Variants in MELK observed in about 807,000 individuals in gnomAD.
The protein encoded by MELK is maternal embryonic leucine zipper kinase, also known as pEg3 kinase.
A neutral mutation model predicts 85.0 loss-of-function variants in MELK; 81 were observed. The ratio of observed to expected loss-of-function variants is 0.95; its 90% CI spans 0.80 to 1.15. The LOEUF (loss-of-function observed/expected upper bound fraction) is 1.15. Among genes scored for constraint, MELK ranks in the 50% most tolerant of loss-of-function variants. The probability of loss-of-function intolerance (pLI) is 0.00; values close to 1 mark genes in which losing one functional copy is unlikely to be tolerated. For missense variants in MELK, 754 were observed against 777.5 expected (o/e 0.97, Z 0.36); for synonymous variants, 252 against 265.0 (o/e 0.95, Z 0.48).
Position 36,674,929 on chromosome 9 carries a change from A to G in MELK, c.1770A>G (p.Val590=), listed in dbSNP as rs771324605. Residue 590 remains valine, a synonymous_variant, in exon 17 of 18, where the codon GTA becomes GTG. Coordinates refer to ENST00000298048, the MANE Select transcript of MELK (RefSeq NM_014791.4). ...TTCCAAAGAAGCATGTTGACTTTGT[A>G]CAAAAGGGGTAAGAAGCACATTTAC... ...SILPKKHVDF[V]QKGYTLKCQT... is the part of the protein sequence containing the mutation. 1 of 1,578,438 alleles carries G rather than the reference A, an allele frequency of 6.3e-7. No individual in the cohort carries two copies. Among genetic ancestry groups the G allele is most frequent in the Non-Finnish European group, 8.7e-7 (1 of 1,147,904 alleles).
chr9:36,630,893 A>G (rs1345455346), intron 9 of MELK, among the ~76,000 whole-genome samples: 2 of 146,884 alleles, frequency 1.4e-5, no homozygotes, highest in African/African-American at 2.5e-5. Flanking sequence ...ACCTCAAGGT[A>G]TCTGCCTGCC....
intron 8 of MELK, among the ~76,000 whole-genome samples, chr9:36,615,059 GC>G (rs1198381308): frequency 6.9e-6 from 1 of 144,510 alleles, no homozygotes; most frequent in Non-Finnish European, 1.5e-5. Flanking sequence ...AGCTGGCCGG[GC>G]GGGGGGGCTG....
At chr9:36,630,137 GC>G (rs1243265890) in intron 8 of MELK, 161 bp from the exon 9 acceptor site, 4 of 625,126 alleles carry the variant, frequency 6.4e-6, no homozygotes, top group Non-Finnish European at 8.5e-6. Context: ...GAGCCACCAC[GC>G]CCAGCCAAGA....
intron 5 of MELK, among the ~76,000 whole-genome samples, chr9:36,595,602 CTTG>C (rs1314814280): frequency 9.5e-6 from 1 of 104,750 alleles, no homozygotes; most frequent in Non-Finnish European, 1.8e-5. Flanking sequence ...TTATAAATGT[CTTG>C]TTTTTTTTTT....
chr9:36,653,099 C>A (rs186598694), intron 12 of MELK, among the ~76,000 whole-genome samples: 243 of 152,176 alleles, frequency 1.6e-3, no homozygotes, highest in African/African-American at 5.7e-3. Context: ...AATTATTTTT[C>A]TCTACTTCAC....
chr9:36,604,864 A>T (rs1825324994), intron 7 of MELK, among the ~76,000 whole-genome samples: 1 of 152,078 alleles, frequency 6.6e-6, no homozygotes, highest in Non-Finnish European at 1.5e-5. Flanking sequence ...GCTGGTCTTG[A>T]ACTCCCAACC....
In MELK at chr9:36,633,042, A is replaced by G. The variant is rs1486367559; in HGVS notation, c.736-60A>G. 16 of 1,177,020 alleles carry G rather than the reference A, an allele frequency of 1.4e-5. No homozygotes were observed. The South Asian group carries it at 1.6e-4, about 11-fold the overall frequency. 72.9% of individuals were successfully genotyped at this position (1,177,020 alleles called of 1,614,324 possible). A position where few individuals can be genotyped will look rare whatever the true frequency, so the allele number is the denominator to read the frequency against. ...ATGCATTTTTAGTTTTCAGGAGGAA[A>G]GGTGTTCTATGTTCTCTATTTGAAA... is the stretch of plus-strand genomic sequence containing the variant. On this transcript the variant is annotated intron_variant, in intron 9 of 17. Transcript: ENST00000298048.
At position 36,624,176 on chromosome 9, in the gene MELK, C is replaced by T. The variant is rs148399945; in HGVS notation, c.667-6123C>T. 9.2e-3 allele frequency among the ~76,000 whole-genome samples: 1,395 copies of T among 151,634 alleles called. 16 individuals are homozygous for T. Among genetic ancestry groups the T allele is most frequent in the African/African-American group, 0.028 (1,170 of 41,264 alleles). ...TCGGCTCACTGTAACCTCCACCTTC[C>T]GGGTTCAAGTGATTCTTCTGCCTTA... On this transcript the variant is annotated intron_variant, in intron 8 of 17. Coordinates refer to ENST00000298048, the MANE Select transcript of MELK (RefSeq NM_014791.4).
At chr9:36,582,975 G>GTT (rs769350661) in intron 2 of MELK, among the ~76,000 whole-genome samples, 16 of 142,894 alleles carry the variant, frequency 1.1e-4, no homozygotes, top group Non-Finnish European at 1.4e-4. Context: ...TATCTTCAAA[G>GTT]TTTTTTTTTT....
intron 8 of MELK, among the ~76,000 whole-genome samples, chr9:36,629,843 GT>G (rs11298711): frequency 0.13 from 14,345 of 111,102 alleles, 445 homozygotes; most frequent in African/African-American, 0.23. Flanking sequence ...GCAAGAAATT[GT>G]TTTTTTTTTT....
chr9:36,637,949 C>T lies in MELK; in HGVS notation c.834+4749C>T, dbSNP rs527636533. 2.0e-5 allele frequency among the ~76,000 whole-genome samples: 3 copies of T among 152,282 alleles called. No individual in the cohort carries two copies. The East Asian group carries it at 5.8e-4, about 29-fold the overall frequency. ...TTCTAACAGCAACCACACCAAGATC[C>T]TAAGAAAAGCAGAATGTGCAAGTGT... On this transcript the variant is annotated intron_variant, in intron 10 of 17. Transcript: ENST00000298048.
chr9:36,611,753 T>C (rs976672346), intron 8 of MELK, among the ~76,000 whole-genome samples: 2 of 80,422 alleles, frequency 2.5e-5, no homozygotes, highest in Admixed American at 1.0e-4. Flanking sequence ...TAAATGTAGC[T>C]ATTATTATTA....
At chr9:36,579,274 G>A (rs1027136920) in intron 1 of MELK, among the ~76,000 whole-genome samples, 5 of 152,122 alleles carry the variant, frequency 3.3e-5, no homozygotes, top group Non-Finnish European at 5.9e-5. Flanking sequence ...TGATCTGCCC[G>A]TCTTGGCCTC....
At chr9:36,617,224 C>G (rs190874184) in intron 8 of MELK, among the ~76,000 whole-genome samples, 1 of 152,156 alleles carries the variant, frequency 6.6e-6, no homozygotes, top group East Asian at 1.9e-4. Flanking sequence ...CATACCCCCC[C>G]ACCAATACAG....
At chr9:36,575,201 A>G (rs1821530537) in intron 1 of MELK, among the ~76,000 whole-genome samples, 1 of 152,246 alleles carries the variant, frequency 6.6e-6, no homozygotes, top group African/African-American at 2.4e-5. Flanking sequence ...AGTCAAGCCC[A>G]GAAGGGCACT....
chr9:36,657,909 A>G (rs1275871424), intron 13 of MELK, among the ~76,000 whole-genome samples: 1 of 152,196 alleles, frequency 6.6e-6, no homozygotes, highest in Admixed American at 6.5e-5. Context: ...ATGAGGTATA[A>G]TGAGGTATAC....
intron 1 of MELK, among the ~76,000 whole-genome samples, chr9:36,574,772 G>A (rs1821474166): frequency 6.6e-6 from 1 of 152,132 alleles, no homozygotes; most frequent in Admixed American, 6.6e-5. Context: ...CCAATTTGTT[G>A]CTATCCTTTA....
intron 8 of MELK, among the ~76,000 whole-genome samples, chr9:36,616,040 C>G (rs1018865143): frequency 6.6e-6 from 1 of 151,956 alleles, no homozygotes; most frequent in Non-Finnish European, 1.5e-5. Flanking sequence ...GGGGCCCGTC[C>G]GCTCCTCCAG....
Position 36,581,674 on chromosome 9 carries a change from A to G in MELK, c.-8A>G. 1 of 1,572,320 alleles carries G rather than the reference A, an allele frequency of 6.4e-7. No individual in the cohort carries two copies. The highest frequency in any genetic ancestry group is 1.4e-5 in the African/African-American group (1 of 74,004). The stretch of plus-strand genomic sequence containing the variant: ...TTTTCTAATTCCAAATAAACTTGCA[A>G]GAGGACTATGAAAGATTATGATGAA... On this transcript the variant is annotated 5_prime_UTR_variant, in exon 2 of 18. Transcript: ENST00000298048.
Sources: allele counts gnomAD v4.1 joint callset (sites outside exome capture counted in the v4.1 genomes callset), GRCh38; gene constraint gnomAD v4.1.1; transcripts MANE v1.5; gene names NCBI Gene and HGNC (gene_info 2026-07-23, HGNC 2026-07-21).